Variants in NRCAM observed in about 807,000 individuals in gnomAD.
NRCAM encodes the protein NgCAM-related cell adhesion molecule.
NRCAM carries 83 observed loss-of-function variants against 156.5 expected under a neutral mutation model. That is an observed-to-expected ratio of 0.53 (90% CI 0.44 to 0.64). NRCAM has a LOEUF of 0.64. NRCAM is among the 30% of genes least tolerant of loss of function. NRCAM has a pLI of 0.00. For synonymous variants in NRCAM, 538 were observed against 563.9 expected, an observed-to-expected ratio of 0.95 and a Z score of 0.65; for missense variants, 1,417 against 1,597.3, an observed-to-expected ratio of 0.89 and a Z score of 1.92.
intron 1 of NRCAM, among the ~76,000 whole-genome samples, chr7:108,426,787 T>C (rs1407042096): frequency 3.9e-5 from 6 of 152,206 alleles, no homozygotes; most frequent in Non-Finnish European, 7.3e-5. Context: ...TCAAAAGCCA[T>C]AAATATTGAG....
chr7:108,219,318 CAGAA>C (rs1273625696), intron 11 of NRCAM, among the ~76,000 whole-genome samples: 8 of 151,528 alleles, frequency 5.3e-5, no homozygotes. Context: ...ACTATTCCAC[CAGAA>C]AGAGAGAACC....
chr7:108,382,718 AG>A (rs1333528740), intron 2 of NRCAM, among the ~76,000 whole-genome samples: 1 of 152,206 alleles, frequency 6.6e-6, no homozygotes. Context: ...AAGCAAGGAC[AG>A]GAACAGCAGG....
intron 2 of NRCAM, among the ~76,000 whole-genome samples, chr7:108,385,830 A>C (rs2099738914): frequency 6.6e-6 from 1 of 151,522 alleles, no homozygotes; most frequent in Non-Finnish European, 1.5e-5. Flanking sequence ...GTATATCTTT[A>C]CAATTTATGT....
At chr7:108,440,472 G>T (rs1251289181) in intron 1 of NRCAM, among the ~76,000 whole-genome samples, 1 of 151,858 alleles carries the variant, frequency 6.6e-6, no homozygotes, top group Middle Eastern at 3.2e-3. Context: ...TTTATAATTT[G>T]TTACACCAAT....
chr7:108,320,400 G>A (rs1035745896), intron 2 of NRCAM, among the ~76,000 whole-genome samples: 23 of 152,270 alleles, frequency 1.5e-4, no homozygotes, highest in African/African-American at 4.6e-4. Context: ...CGAGGCAGCA[G>A]TGAGCCACTG....
intron 3 of NRCAM, among the ~76,000 whole-genome samples, chr7:108,259,376 C>T (rs762336667): frequency 1.2e-4 from 19 of 152,188 alleles, no homozygotes; most frequent in Non-Finnish European, 2.1e-4. Context: ...GAAACAGGAA[C>T]GCTCTGACAC....
At chr7:108,254,987 A>T (rs2096556647) in intron 3 of NRCAM, among the ~76,000 whole-genome samples, 1 of 152,240 alleles carries the variant, frequency 6.6e-6, no homozygotes, top group Non-Finnish European at 1.5e-5. Context: ...TATAATAATG[A>T]AAAATTGTAA....
At chr7:108,350,390 G>A (rs973072840) in intron 2 of NRCAM, among the ~76,000 whole-genome samples, 2 of 152,170 alleles carry the variant, frequency 1.3e-5, no homozygotes, top group Admixed American at 1.3e-4. Flanking sequence ...TTCCTGGAGT[G>A]CTCAGCCTAG....
At position 108,272,256 on chromosome 7, in the gene NRCAM, T is replaced by C. The variant is rs183063381; in HGVS notation, c.-106-32086A>G. On this transcript the variant is annotated intron_variant, in intron 3 of 32. Transcript: ENST00000379028. ...AAGTCTAGTAGGAATCAAAGTTGTA[T>C]ATCGAATAGAATTTCTTTATTCACA... 3.8e-3 allele frequency among the ~76,000 whole-genome samples: 574 copies of C among 152,338 alleles called. 3 individuals carry two copies. The highest frequency in any genetic ancestry group is 0.013 in the African/African-American group (521 of 41,584).
intron 3 of NRCAM, among the ~76,000 whole-genome samples, chr7:108,304,471 G>A (rs922637212): frequency 5.9e-5 from 9 of 151,606 alleles, no homozygotes; most frequent in African/African-American, 2.2e-4. Context: ...ATTCCCTGAA[G>A]AGCAAGAGCT....
intron 3 of NRCAM, among the ~76,000 whole-genome samples, chr7:108,244,044 T>C (rs373028361): frequency 1.3e-5 from 2 of 152,188 alleles, no homozygotes; most frequent in East Asian, 1.9e-4. Flanking sequence ...ACAGCTCTCC[T>C]GTTGCTTACT....
chr7:108,323,450 T>G (rs912456724), intron 2 of NRCAM, among the ~76,000 whole-genome samples: 1 of 152,228 alleles, frequency 6.6e-6, no homozygotes, highest in Non-Finnish European at 1.5e-5. Flanking sequence ...GAAACATGCC[T>G]ATAAGTGGAT....
chr7:108,302,809 A>G (rs1394423024), intron 3 of NRCAM, among the ~76,000 whole-genome samples: 1 of 152,240 alleles, frequency 6.6e-6, no homozygotes, highest in Non-Finnish European at 1.5e-5. Flanking sequence ...CACTGGGCAT[A>G]TATCACTTCT....
chr7:108,301,774 T>G (rs2098622346), intron 3 of NRCAM, among the ~76,000 whole-genome samples: 1 of 152,200 alleles, frequency 6.6e-6, no homozygotes, highest in Non-Finnish European at 1.5e-5. Context: ...GAAAAATTTA[T>G]GAATATGAAT....
At chr7:108,238,375 C>T (rs879204018) in intron 4 of NRCAM, among the ~76,000 whole-genome samples, 1 of 152,106 alleles carries the variant, frequency 6.6e-6, no homozygotes, top group South Asian at 2.1e-4. Flanking sequence ...GTGCCCACAC[C>T]AAGGACTTGT....
At chr7:108,310,607 GA>G (rs1048112972) in intron 3 of NRCAM, among the ~76,000 whole-genome samples, 2 of 152,208 alleles carry the variant, frequency 1.3e-5, no homozygotes, top group African/African-American at 4.8e-5. Context: ...AAGTAGCTAC[GA>G]AAAAAACTTA....
rs78502059 is a variant in NRCAM at position 108,325,443 on chromosome 7, T to C, written c.-173-12712A>G. Among the ~76,000 whole-genome samples, 1,222 of 152,260 alleles carry C rather than the reference T, an allele frequency of 8.0e-3. 15 individuals are homozygous for C. The highest frequency in any genetic ancestry group is 0.019 in the South Asian group (90 of 4,830). The stretch of plus-strand genomic sequence containing the variant: ...CTTTTGACATTTAGAAAAGATTTTT[T>C]TTTTTCCTGGATCTTGGAGTTCCAA... On this transcript the variant is annotated intron_variant, in intron 2 of 32. Coordinates refer to ENST00000379028, the MANE Select transcript of NRCAM (RefSeq NM_001037132.4).
intron 3 of NRCAM, among the ~76,000 whole-genome samples, chr7:108,278,632 A>G (rs1416880671): frequency 5.3e-5 from 8 of 152,192 alleles, no homozygotes; most frequent in African/African-American, 1.4e-4. Flanking sequence ...TTTGGGCAGG[A>G]GCATACCGTT....
At chr7:108,171,333 C>A (rs2284281) in intron 28 of NRCAM, among the ~76,000 whole-genome samples, 27,208 of 152,138 alleles carry the variant, frequency 0.18, 4,292 homozygotes, top group African/African-American at 0.43. Context: ...AATACAAATT[C>A]CTTAGCAAAG....
Sources: gnomAD v4.1 joint callset for allele counts (sites outside exome capture counted in the v4.1 genomes callset) on GRCh38, gnomAD v4.1.1 for gene constraint, MANE v1.5 for transcripts, NCBI Gene and HGNC (gene_info 2026-07-23, HGNC 2026-07-21) for gene names.